Variants in GALNTL6 observed in about 807,000 individuals in gnomAD.
GALNTL6 encodes the protein polypeptide N-acetylgalactosaminyltransferase like 6.
A neutral mutation model predicts 73.7 loss-of-function variants in GALNTL6; 46 were observed. That is an observed-to-expected ratio of 0.62 (90% confidence interval 0.49 to 0.80). The LOEUF is 0.80. Among genes scored for constraint, GALNTL6 ranks in the 30% least tolerant of loss-of-function variants. GALNTL6 has a pLI of 0.00. For missense variants in GALNTL6, 604 were observed against 755.0 expected, an observed-to-expected ratio of 0.80 and a Z score of 2.34; for synonymous variants, 259 against 263.7, an observed-to-expected ratio of 0.98 and a Z score of 0.17.
chr4:171,982,167 A>G (rs1293677214), intron 2 of GALNTL6, among the ~76,000 whole-genome samples: 1 of 152,206 alleles, frequency 6.6e-6, no homozygotes, highest in Admixed American at 6.5e-5. Context: ...TTAAGTCTAT[A>G]TAACCACTTC....
Position 172,225,797 on chromosome 4 carries a change from A to C in GALNTL6, c.139-3859A>C, listed in dbSNP as rs116382201. ...ATAAATAAGTAAATAAATGAAAATA[A>C]AAATAATTAAAAATAACTAGTTCCC... On this transcript the variant is annotated intron_variant, in intron 2 of 12. Transcript: ENST00000506823. Among the ~76,000 whole-genome samples, 550 of 151,734 alleles carry C rather than the reference A, an allele frequency of 3.6e-3. 1 individual carries two copies. The highest frequency in any genetic ancestry group is 0.013 in the African/African-American group (519 of 41,150).
At chr4:172,106,813 A>G (rs1423023747) in intron 2 of GALNTL6, among the ~76,000 whole-genome samples, 1 of 152,224 alleles carries the variant, frequency 6.6e-6, no homozygotes, top group African/African-American at 2.4e-5. Context: ...TGAATAATGT[A>G]TCATAGGGTG....
At chr4:172,808,359 T>C (rs1476856255) in intron 5 of GALNTL6, among the ~76,000 whole-genome samples, 3 of 152,218 alleles carry the variant, frequency 2.0e-5, no homozygotes, top group Non-Finnish European at 4.4e-5. Flanking sequence ...CCCCTACTGC[T>C]ACAGATCATG....
At chr4:171,826,068 A>G (rs563922313) in intron 2 of GALNTL6, among the ~76,000 whole-genome samples, 4 of 152,326 alleles carry the variant, frequency 2.6e-5, no homozygotes, top group African/African-American at 9.6e-5. Context: ...ATAAACTGGT[A>G]CAGTGAAACA....
intron 2 of GALNTL6, among the ~76,000 whole-genome samples, chr4:171,866,634 C>A (rs1334834964): frequency 6.6e-6 from 1 of 152,150 alleles, no homozygotes; most frequent in African/African-American, 2.4e-5. Context: ...GACTGACAAA[C>A]AACAGAAATT....
intron 2 of GALNTL6, among the ~76,000 whole-genome samples, chr4:172,072,475 G>T (rs1011204612): frequency 2.0e-5 from 3 of 152,028 alleles, no homozygotes; most frequent in African/African-American, 7.2e-5. Context: ...GCCTCACCTT[G>T]AACTACACAC....
intron 2 of GALNTL6, among the ~76,000 whole-genome samples, chr4:172,022,002 A>T (rs1465890321): frequency 1.3e-5 from 2 of 152,048 alleles, no homozygotes; most frequent in Non-Finnish European, 2.9e-5. Flanking sequence ...AATACTGAAG[A>T]AACTCCCAGG....
intron 2 of GALNTL6, among the ~76,000 whole-genome samples, chr4:171,958,405 G>A (rs561746771): frequency 3.9e-5 from 6 of 152,074 alleles, no homozygotes; most frequent in Admixed American, 2.0e-4. Context: ...GACGGAATAT[G>A]CATTGAAGGA....
At chr4:172,279,002 A>C (rs892721847) in intron 3 of GALNTL6, among the ~76,000 whole-genome samples, 4 of 152,178 alleles carry the variant, frequency 2.6e-5, no homozygotes, top group Non-Finnish European at 4.4e-5. Context: ...TTTTGGGAAA[A>C]TTGGATATCC....
At chr4:172,648,657 G>A (rs143739947) in intron 5 of GALNTL6, among the ~76,000 whole-genome samples, 2 of 152,238 alleles carry the variant, frequency 1.3e-5, no homozygotes, top group Non-Finnish European at 2.9e-5. Flanking sequence ...AATACATGCT[G>A]AGTCATCAGG....
chr4:172,755,327 CAA>C (rs78206626), intron 5 of GALNTL6, among the ~76,000 whole-genome samples: 146 of 121,924 alleles, frequency 1.2e-3, no homozygotes, highest in African/African-American at 3.5e-3. Context: ...TTCTAAATTG[CAA>C]AAAAAAAAAA....
chr4:172,666,452 C>T (rs914955835), intron 5 of GALNTL6, among the ~76,000 whole-genome samples: 13 of 152,106 alleles, frequency 8.5e-5, no homozygotes, highest in South Asian at 2.1e-4. Context: ...AGAACAAAAA[C>T]TATCACAAAA....
intron 5 of GALNTL6, among the ~76,000 whole-genome samples, chr4:172,430,447 C>G (rs17226121): frequency 0.14 from 20,747 of 151,934 alleles, 1,644 homozygotes; most frequent in Non-Finnish European, 0.19. Context: ...AGAAACAGAG[C>G]GTTTCAGTAG....
At chr4:172,193,442 C>T (rs900541984) in intron 2 of GALNTL6, among the ~76,000 whole-genome samples, 1 of 152,110 alleles carries the variant, frequency 6.6e-6, no homozygotes, top group Non-Finnish European at 1.5e-5. Flanking sequence ...CAAAGAAGGG[C>T]CTTACTGTTA....
At chr4:172,876,241 T>C (rs1312323166) in intron 7 of GALNTL6, among the ~76,000 whole-genome samples, 1 of 152,192 alleles carries the variant, frequency 6.6e-6, no homozygotes, top group Non-Finnish European at 1.5e-5. Flanking sequence ...ATGTGTGTGA[T>C]AAAAACAGAA....
intron 5 of GALNTL6, among the ~76,000 whole-genome samples, chr4:172,536,185 T>C (rs1172278854): frequency 6.6e-6 from 1 of 152,228 alleles, no homozygotes; most frequent in African/African-American, 2.4e-5. Flanking sequence ...CTGAGTCCAC[T>C]AAACCTCTTT....
chr4:172,757,259 A>G (rs1737805921), intron 5 of GALNTL6, among the ~76,000 whole-genome samples: 1 of 152,210 alleles, frequency 6.6e-6, no homozygotes, highest in Admixed American at 6.5e-5. Flanking sequence ...AGGTTTTGCA[A>G]GCATTTTCTA....
intron 7 of GALNTL6, among the ~76,000 whole-genome samples, chr4:172,863,741 G>A (rs1028706755): frequency 6.6e-6 from 1 of 152,178 alleles, no homozygotes; most frequent in Non-Finnish European, 1.5e-5. Flanking sequence ...ATGCTGAAAT[G>A]AGTTAAGATA....
intron 7 of GALNTL6, among the ~76,000 whole-genome samples, chr4:172,840,354 GC>G (rs1560986257): frequency 6.6e-6 from 1 of 152,106 alleles, no homozygotes; most frequent in South Asian, 2.1e-4. Flanking sequence ...TCGATTGTAG[GC>G]CCTTATTCTC....
Sources: gnomAD v4.1 joint callset for allele counts (sites outside exome capture counted in the v4.1 genomes callset) on GRCh38, gnomAD v4.1.1 for gene constraint, MANE v1.5 for transcripts, NCBI Gene and HGNC (gene_info 2026-07-23, HGNC 2026-07-21) for gene names.